The following PGAP1 variants were observed in gnomAD, a reference collection of about 807,000 sequenced individuals.
PGAP1 encodes GPI inositol-deacylase.
Under a neutral mutation model 127.0 loss-of-function variants are expected in PGAP1, and 76 were observed. That is an observed-to-expected ratio of 0.60 (90% CI 0.50 to 0.72). PGAP1 has a LOEUF of 0.72. Among genes scored for constraint, PGAP1 ranks in the 30% least tolerant of loss-of-function variants. The probability of loss-of-function intolerance (pLI) is 0.00; values close to 1 mark genes in which losing one functional copy is unlikely to be tolerated. For missense variants in PGAP1, 982 were observed against 1,071.3 expected (o/e 0.92, Z 1.16); for synonymous variants, 362 against 366.5 (o/e 0.99, Z 0.14).
chr2:196,911,510 G>GTC (rs1702811129), intron 4 of PGAP1, among the ~76,000 whole-genome samples: 1 of 95,542 alleles, frequency 1.0e-5, no homozygotes, highest in Non-Finnish European at 2.0e-5. Flanking sequence ...AATGCTAGAT[G>GTC]ACACATTAGT....
chr2:196,837,382 C>CT lies in PGAP1; in HGVS notation c.*3851dup, dbSNP rs1226619832. 2.0e-5 allele frequency: 3 copies of CT among 152,174 alleles called. No individual in the cohort carries two copies. The East Asian group carries it at 5.8e-4, about 29-fold the overall frequency. The allele number at this position is 152,174 out of a possible 1,614,324, so 9.4% of individuals were successfully genotyped here. On this transcript the variant is annotated 3_prime_UTR_variant, in exon 27 of 27. Transcript: ENST00000354764. The stretch of plus-strand genomic sequence containing the variant: ...GGTGGTCATGCCTGAAATCCCACTA[C>CT]TTTGGGAGGCCGAGGTGGGAGGATC...
intron 17 of PGAP1, 200 bp downstream of exon 17, chr2:196,872,760 A>G: frequency 1.8e-6 from 1 of 568,530 alleles, no homozygotes; most frequent in East Asian, 2.9e-5. Context: ...AAGGGGGTTC[A>G]GGTTCCAAGG....
intron 20 of PGAP1, among the ~76,000 whole-genome samples, chr2:196,856,811 G>A (rs1700897842): frequency 6.6e-6 from 1 of 152,110 alleles, no homozygotes; most frequent in African/African-American, 2.4e-5. Flanking sequence ...GTATTCAACT[G>A]GTTGTGTTTA....
chr2:196,906,681 G>A (rs1437453117), intron 4 of PGAP1, among the ~76,000 whole-genome samples: 1 of 44,172 alleles, frequency 2.3e-5, no homozygotes, highest in Non-Finnish European at 4.5e-5. Context: ...CAAACCAAAG[G>A]CAAAGAAGTT....
intron 5 of PGAP1, among the ~76,000 whole-genome samples, chr2:196,899,322 C>T (rs1322844124): frequency 6.6e-6 from 1 of 152,182 alleles, no homozygotes; most frequent in Non-Finnish European, 1.5e-5. Flanking sequence ...TAAGGAATCA[C>T]TAACACCCTG....
rs1243182668 is a variant in PGAP1, at chr2:196,902,734, T to C, written c.658A>G (p.Thr220Ala). 6.2e-7 allele frequency: 1 copy of C among 1,600,356 alleles called. No individual in the cohort carries two copies. Among genetic ancestry groups the C allele is most frequent in the Non-Finnish European group, 8.5e-7 (1 of 1,173,940 alleles). Residue 220 changes from threonine to alanine, a missense_variant, in exon 5 of 27, where the codon ACG becomes GCG. By Grantham distance (58) the Thr-to-Ala change is moderately conservative (BLOSUM62 0). Coordinates refer to ENST00000354764, the MANE Select transcript of PGAP1 (RefSeq NM_024989.4). ...AGAATCCAATAGTTGTTTACAGTCGTATAAAAATCTGGTGGGGAATAAAAA... is the reference window on the plus strand; with the variant it reads ...AGAATCCAATAGTTGTTTACAGTCGCATAAAAATCTGGTGGGGAATAAAAA... ...PLDRFITDFY[T>A]TVNNYWILNA...
rs771798393 is a variant in PGAP1 at position 196,913,052 on chromosome 2, C to T, written c.479G>A (p.Gly160Asp). The T allele has an allele frequency of 8.7e-6, 14 of 1,601,552 alleles. No individual in the cohort carries two copies. The highest frequency in any genetic ancestry group is 2.7e-5 in the African/African-American group (2 of 74,430). ...CACACTTTTTGGAGCAAATTCTTGACCCTATTAAAATAAATCACCAGGTCA... is the reference window on the plus strand; with the variant it reads ...CACACTTTTTGGAGCAAATTCTTGATCCTATTAAAATAAATCACCAGGTCA... Reference protein sequence around the residue: ...CIKTILKLYKGQEFAPKSVAI... With the variant: ...CIKTILKLYKDQEFAPKSVAI... The change falls in exon 4 of 27, where the codon GGT (glycine) becomes GAT (aspartate). Residue 160 changes from glycine to aspartate, a missense_variant and splice_region_variant. By Grantham distance (94) the Gly-to-Asp change is moderately conservative (BLOSUM62 -1). Transcript: ENST00000354764.
At chr2:196,861,516 T>C (rs1701063797) in intron 20 of PGAP1, among the ~76,000 whole-genome samples, 1 of 152,170 alleles carries the variant, frequency 6.6e-6, no homozygotes, top group African/African-American at 2.4e-5. Flanking sequence ...CCAAAAGATC[T>C]GAACAGACAT....
chr2:196,856,618 TA>T (rs1700891610), intron 20 of PGAP1, among the ~76,000 whole-genome samples: 1 of 152,194 alleles, frequency 6.6e-6, no homozygotes, highest in Non-Finnish European at 1.5e-5. Flanking sequence ...ATGGGCCACA[TA>T]AAAAGTTCAC....
chr2:196,919,197 T>C (rs373598232), intron 2 of PGAP1, among the ~76,000 whole-genome samples: 26 of 152,294 alleles, frequency 1.7e-4, no homozygotes, highest in African/African-American at 6.3e-4. Context: ...TTAACATTAC[T>C]GACATATTTG....
At chr2:196,915,798 C>G (rs1333507973) in intron 3 of PGAP1, among the ~76,000 whole-genome samples, 1 of 152,190 alleles carries the variant, frequency 6.6e-6, no homozygotes, top group Admixed American at 6.5e-5. Context: ...GATTGAAAAA[C>G]ATACATTTTT....
intron 10 of PGAP1, among the ~76,000 whole-genome samples, chr2:196,888,016 A>G (rs1335483845): frequency 2.6e-5 from 4 of 152,214 alleles, no homozygotes. Context: ...CTGATATTCC[A>G]TACTACTTCG....
At position 196,897,173 on chromosome 2, in the gene PGAP1, T is replaced by C; in HGVS notation, c.885A>G (p.Thr295=). The C allele has an allele frequency of 6.3e-7, 1 of 1,584,122 alleles. No individual in the cohort carries two copies. Among genetic ancestry groups the C allele is most frequent in the Non-Finnish European group, 8.6e-7 (1 of 1,163,226 alleles). ...CAATAAGATCAAAGAATGCTCGAAC[T>C]GTAGTCAACTGCAATTGTTTACACC... is the stretch of plus-strand genomic sequence containing the variant. ...IVWCKQLQLT[T]VRAFFDLIDA... The change falls in exon 7 of 27, where the codon ACA becomes ACG. Residue 295 remains threonine, a synonymous_variant. Coordinates refer to ENST00000354764, the MANE Select transcript of PGAP1 (RefSeq NM_024989.4).
intron 20 of PGAP1, among the ~76,000 whole-genome samples, chr2:196,852,346 CAA>C (rs1700746911): frequency 6.6e-6 from 1 of 151,950 alleles, no homozygotes; most frequent in Non-Finnish European, 1.5e-5. Context: ...CTAATTAACC[CAA>C]GTGTCTTTTA....
intron 20 of PGAP1, among the ~76,000 whole-genome samples, chr2:196,860,884 G>C (rs553519963): frequency 8.0e-4 from 121 of 152,132 alleles, no homozygotes; most frequent in African/African-American, 2.9e-3. Flanking sequence ...AGCAAAAAAA[G>C]TCCTGAGCAA....
intron 20 of PGAP1, among the ~76,000 whole-genome samples, chr2:196,854,853 T>C (rs1700828096): frequency 6.6e-6 from 1 of 152,088 alleles, no homozygotes; most frequent in African/African-American, 2.4e-5. Context: ...CTGTAGTTCA[T>C]TGCAACCTTG....
chr2:196,841,422 G>A (rs373321341), intron 26 of PGAP1, 50 bp from the exon 27 acceptor site: 94 of 1,391,060 alleles, frequency 6.8e-5, no homozygotes, highest in Admixed American at 1.0e-4. Flanking sequence ...TACATTGTGA[G>A]CCAAAATTAT....
intron 14 of PGAP1, among the ~76,000 whole-genome samples, chr2:196,874,131 A>G (rs1219590059): frequency 6.6e-6 from 1 of 152,136 alleles, no homozygotes; most frequent in Non-Finnish European, 1.5e-5. Flanking sequence ...GTAGGGGGAA[A>G]AATAAAAATC....
intron 9 of PGAP1, among the ~76,000 whole-genome samples, chr2:196,891,693 A>T (rs952503952): frequency 2.6e-5 from 4 of 152,116 alleles, no homozygotes; most frequent in Non-Finnish European, 5.9e-5. Context: ...TTTAGTAGAT[A>T]AGCAGTTTTT....
Sources: gnomAD v4.1 joint callset for allele counts (sites outside exome capture counted in the v4.1 genomes callset) on GRCh38, gnomAD v4.1.1 for gene constraint, MANE v1.5 for transcripts, NCBI Gene and HGNC (gene_info 2026-07-23, HGNC 2026-07-21) for gene names.